Variants in LRRC20 observed in about 807,000 individuals in gnomAD.
The protein encoded by LRRC20 is leucine rich repeat containing 20, also known as leucine-rich repeat-containing protein 20.
Under a neutral mutation model 14.4 loss-of-function variants are expected in LRRC20, and 11 were observed. The ratio of observed to expected loss-of-function variants is 0.77; its 90% confidence interval spans 0.48 to 1.27. The LOEUF (loss-of-function observed/expected upper bound fraction) is 1.27, where lower values mean the gene tolerates loss of function less well. Among genes scored for constraint, LRRC20 ranks in the 50% most tolerant of loss-of-function variants. The pLI is 0.00. For missense variants in LRRC20, 219 were observed against 251.2 expected, an observed-to-expected ratio of 0.87 and a Z score of 0.87; for synonymous variants, 121 against 107.3, an observed-to-expected ratio of 1.13 and a Z score of -0.79.
chr10:70,370,661 C>A (rs930462810), intron 2 of LRRC20, among the ~76,000 whole-genome samples: 1 of 152,002 alleles, frequency 6.6e-6, no homozygotes, highest in Admixed American at 6.6e-5. Context: ...GAGAATTGCT[C>A]GAACCCAGGA....
intron 2 of LRRC20, among the ~76,000 whole-genome samples, chr10:70,365,977 G>A (rs1233214628): frequency 2.0e-5 from 3 of 151,270 alleles, no homozygotes; most frequent in African/African-American, 7.3e-5. Flanking sequence ...GCTGAGGCAG[G>A]AGAATGGCGT....
intron 1 of LRRC20, among the ~76,000 whole-genome samples, chr10:70,382,174 G>C (rs1394664331): frequency 6.6e-6 from 1 of 152,206 alleles, no homozygotes; most frequent in East Asian, 1.9e-4. Context: ...GTGTCGCTTC[G>C]GGGACGAAAT....
At chr10:70,369,354 G>T (rs574853121) in intron 2 of LRRC20, among the ~76,000 whole-genome samples, 48 of 152,242 alleles carry the variant, frequency 3.2e-4, no homozygotes, top group African/African-American at 1.1e-3. Context: ...GCTGACCTAT[G>T]AACTCTGCTC....
intron 2 of LRRC20, among the ~76,000 whole-genome samples, chr10:70,359,296 C>T (rs796887705): frequency 5.4e-4 from 82 of 152,314 alleles, no homozygotes; most frequent in African/African-American, 1.9e-3. Flanking sequence ...GTCGCTCATG[C>T]CTGCAATCCC....
Position 70,382,620 on chromosome 10 carries a change from G to C in LRRC20, c.-135C>G, listed in dbSNP as rs1038913410. The C allele has an allele frequency of 1.3e-5, 2 of 150,982 alleles. No individual in the cohort carries two copies. The highest frequency in any genetic ancestry group is 4.8e-5 in the African/African-American group (2 of 41,304). The allele number at this position is 150,982 out of a possible 1,614,324, so 9.4% of individuals were successfully genotyped here. ...CCGCCGCCGGCGGCGCCCCAGGCGA[G>C]TTCCGAGCCGGCGGGGCGGGGCGCG... On this transcript the variant is annotated 5_prime_UTR_variant, in exon 1 of 5. Coordinates refer to ENST00000446961, the MANE Select transcript of LRRC20 (RefSeq NM_001278212.2).
intron 4 of LRRC20, among the ~76,000 whole-genome samples, chr10:70,311,054 G>C (rs1028313730): frequency 3.9e-5 from 6 of 151,918 alleles, no homozygotes; most frequent in Non-Finnish European, 2.9e-5. Flanking sequence ...TTTCCAAATG[G>C]CCTCCCAGAT....
intron 3 of LRRC20, among the ~76,000 whole-genome samples, chr10:70,326,650 C>T (rs1263764180): frequency 6.6e-6 from 1 of 152,124 alleles, no homozygotes; most frequent in Admixed American, 6.5e-5. Flanking sequence ...CACCTTAAAC[C>T]ACAGAACGCT....
intron 4 of LRRC20, among the ~76,000 whole-genome samples, chr10:70,302,033 G>A (rs535603617): frequency 6.6e-6 from 1 of 152,262 alleles, no homozygotes; most frequent in East Asian, 1.9e-4. Context: ...ATTGTGCTAG[G>A]CCAGTCGTGG....
At chr10:70,323,230 G>T (rs374579968) in intron 4 of LRRC20, among the ~76,000 whole-genome samples, 2 of 151,934 alleles carry the variant, frequency 1.3e-5, no homozygotes, top group Non-Finnish European at 2.9e-5. Context: ...GTTGAGGCTC[G>T]GCTCTCTGAG....
chr10:70,354,709 A>T (rs893449806), intron 2 of LRRC20, among the ~76,000 whole-genome samples: 7 of 152,168 alleles, frequency 4.6e-5, no homozygotes, highest in Non-Finnish European at 7.4e-5. Flanking sequence ...TTACACGCTC[A>T]TGGAAATTTT....
chr10:70,336,264 G>A (rs12412834), intron 3 of LRRC20, among the ~76,000 whole-genome samples: 24,306 of 152,086 alleles, frequency 0.16, 2,003 homozygotes, highest in Middle Eastern at 0.3. Flanking sequence ...TTGAGTTGAC[G>A]GGCAGGGATG....
At chr10:70,314,332 C>A (rs982432785) in intron 4 of LRRC20, among the ~76,000 whole-genome samples, 4 of 152,166 alleles carry the variant, frequency 2.6e-5, no homozygotes, top group African/African-American at 9.7e-5. Flanking sequence ...TATCCCCAAC[C>A]CAACCAATCA....
intron 1 of LRRC20, among the ~76,000 whole-genome samples, chr10:70,382,282 C>CCA (rs991550749): frequency 3.3e-5 from 5 of 152,224 alleles, no homozygotes; most frequent in African/African-American, 1.2e-4. Flanking sequence ...ACCTCTGCAC[C>CCA]CACTCCCCTG....
chr10:70,380,988 A>G (rs1038244781), intron 1 of LRRC20, among the ~76,000 whole-genome samples: 8 of 152,220 alleles, frequency 5.3e-5, no homozygotes, highest in African/African-American at 1.9e-4. Context: ...CAGCAGGTGC[A>G]CAAAGAGATT....
At chr10:70,342,856 C>T (rs938719048) in intron 2 of LRRC20, among the ~76,000 whole-genome samples, 3 of 152,186 alleles carry the variant, frequency 2.0e-5, no homozygotes, top group African/African-American at 7.2e-5. Flanking sequence ...CAGCACTCAT[C>T]GAGCGTGACA....
At chr10:70,326,209 CA>C (rs1842312640) in intron 3 of LRRC20, among the ~76,000 whole-genome samples, 1 of 151,962 alleles carries the variant, frequency 6.6e-6, no homozygotes, top group South Asian at 2.1e-4. Context: ...CACAGCCCCA[CA>C]ATGCAGCTGC....
At chr10:70,341,584 A>G (rs1290703634) in intron 2 of LRRC20, among the ~76,000 whole-genome samples, 1 of 152,138 alleles carries the variant, frequency 6.6e-6, no homozygotes, top group African/African-American at 2.4e-5. Flanking sequence ...CCTGGCCAAC[A>G]TGGTGAAATC....
At chr10:70,362,701 A>T (rs181458707) in intron 2 of LRRC20, among the ~76,000 whole-genome samples, 1 of 151,996 alleles carries the variant, frequency 6.6e-6, no homozygotes, top group Non-Finnish European at 1.5e-5. Flanking sequence ...CCTTACAGAC[A>T]TGACCTCCCA....
At chr10:70,321,096 A>C (rs1186582710) in intron 4 of LRRC20, among the ~76,000 whole-genome samples, 2 of 152,044 alleles carry the variant, frequency 1.3e-5, no homozygotes, top group Non-Finnish European at 2.9e-5. Context: ...CCACTTACTA[A>C]AGCTTTAAAG....
Sources: gnomAD v4.1 joint callset for allele counts (sites outside exome capture counted in the v4.1 genomes callset) on GRCh38, gnomAD v4.1.1 for gene constraint, MANE v1.5 for transcripts, NCBI Gene and HGNC (gene_info 2026-07-23, HGNC 2026-07-21) for gene names.